The following LTBP3 variants were observed in gnomAD, a reference collection of about 807,000 sequenced individuals.
The protein encoded by LTBP3 is latent transforming growth factor beta binding protein 3, also known as latent-transforming growth factor beta-binding protein 3.
In LTBP3, 97 loss-of-function variants were observed where a neutral mutation model predicts 159.7. The observed-to-expected ratio is 0.61, with a 90% CI of 0.52 to 0.72. The LOEUF (loss-of-function observed/expected upper bound fraction) is 0.72, where lower values mean the gene tolerates loss of function less well. Ranked by LOEUF, LTBP3 falls within the 30% of genes least tolerant of loss-of-function variation. The probability of loss-of-function intolerance (pLI) is 0.00; values close to 1 mark genes in which losing one functional copy is unlikely to be tolerated. For missense variants in LTBP3, 1,584 were observed against 1,864.3 expected (o/e 0.85, Z 2.77); for synonymous variants, 824 against 777.1 (o/e 1.06, Z -1.00).
intron 11 of LTBP3, chr11:65,548,472 A>C: frequency 3.3e-6 from 1 of 301,556 alleles, no homozygotes; most frequent in Middle Eastern, 1.0e-3. Context: ...GTGACTCCAT[A>C]AGCCCTTGCC....
Position 65,547,702 on chromosome 11 carries a change from G to T in LTBP3, c.1966C>A (p.Arg656Ser). The T allele has an allele frequency of 6.2e-7, 1 of 1,604,654 alleles. No individual in the cohort carries two copies. Reference protein sequence around the residue: ...GYRLHVGAGGRSCVDLNECAK... With the variant: ...GYRLHVGAGGSSCVDLNECAK... The stretch of plus-strand genomic sequence containing the variant: ...TGGCGGCGCTCACCCACGCACGAGC[G>T]CCCCCCGGCGCCCACGTGCAGGCGG... Residue 656 changes from arginine to serine, a missense_variant, in exon 13 of 28, where the codon CGC becomes AGC. Around this residue, in one of 6 missense-constraint regions of LTBP3, gnomAD observed 565 missense variants for 677.7 expected, o/e 0.83. Transcript: ENST00000301873. The surrounding 1 kb of genome is among the most constrained non-coding windows in gnomAD (Gnocchi z 4.6).
Position 65,540,925 on chromosome 11 carries a change from T to C in LTBP3, c.2923A>G (p.Lys975Glu). 6.2e-7 allele frequency: 1 copy of C among 1,613,588 alleles called. No homozygotes were observed. Among genetic ancestry groups the C allele is most frequent in the Non-Finnish European group, 8.5e-7 (1 of 1,179,810 alleles). The part of the protein sequence containing the change: ...AEFHSLCPDG[K>E]GYTQDNNIVN... ...ATGTTGTTGTCCTGGGTGTAGCCCT[T>C]TCCGTCTGGGCAGAGGCTGTGGAAC... Residue 975 changes from lysine to glutamate, a missense_variant, in exon 21 of 28, where the codon AAG becomes GAG. Physicochemically the swap from Lys to Glu is moderately conservative, Grantham distance 56. Around this residue, in one of 6 missense-constraint regions of LTBP3, gnomAD observed 514 missense variants for 530.3 expected, o/e 0.97. Transcript: ENST00000301873.
At chr11:65,540,678 CG>C in intron 21 of LTBP3, 64 bp from the exon 22 acceptor site, 1 of 1,535,310 alleles carries the variant, frequency 6.5e-7, no homozygotes, top group Non-Finnish European at 8.8e-7. Flanking sequence ...GTGGGCTGGG[CG>C]CACCACCGGA....
At chr11:65,555,805 C>CAGGGCAGG (rs1262155083) in intron 1 of LTBP3, among the ~76,000 whole-genome samples, 2 of 152,162 alleles carry the variant, frequency 1.3e-5, no homozygotes, top group African/African-American at 2.4e-5. Flanking sequence ...CCTCACTTCC[C>CAGGGCAGG]AGGGCAGGAG....
Position 65,552,067 on chromosome 11 carries a change from G to A in LTBP3, c.1436C>T (p.Ser479Phe). 1 of 1,614,150 alleles carries A rather than the reference G, an allele frequency of 6.2e-7. No homozygotes were observed. The highest frequency in any genetic ancestry group is 1.7e-5 in the Admixed American group (1 of 60,018). The part of the protein sequence containing the change: ...TLTIQGESDF[S>F]LFLHPDGPPK... The stretch of plus-strand genomic sequence containing the variant: ...TGGCCCGTCAGGGTGCAGGAAAAGG[G>A]AAAAGTCACTCTCGCCCTGAATGGT... Residue 479 changes from serine (S) to phenylalanine (F), a missense_variant, in exon 8 of 28, where the codon TCC becomes TTC. By Grantham distance (155) the Ser-to-Phe change is radical. Coordinates refer to ENST00000301873, the MANE Select transcript of LTBP3 (RefSeq NM_001130144.3). The surrounding 1 kb of genome is among the most constrained non-coding windows in gnomAD (Gnocchi z 6.0).
chr11:65,543,670 C>T (rs1009775250), intron 16 of LTBP3, 121 bp from the exon 17 acceptor site: 8 of 1,299,890 alleles, frequency 6.2e-6, no homozygotes, highest in Non-Finnish European at 8.8e-6. Flanking sequence ...CTCAGAAGCA[C>T]AGGCCTCACC....
rs998677694 is a variant in LTBP3, at chr11:65,541,293, T to G, written c.2726A>C (p.Glu909Ala). The G allele has an allele frequency of 1.2e-6, 2 of 1,610,298 alleles. No individual in the cohort carries two copies. Among genetic ancestry groups the G allele is most frequent in the African/African-American group, 2.7e-5 (2 of 74,848 alleles). The change falls in exon 20 of 28, where the codon GAG becomes GCG. Residue 909 changes from glutamate (E) to alanine (A), a missense_variant and splice_region_variant. Physicochemically the swap from Glu to Ala is moderately radical, Grantham distance 107. Transcript: ENST00000301873. ...TPTQDQHGCE[E>A]VEQPHHKKEC... ...CTTCTTGTGGTGGGGCTGCTCCACC[T>G]CTGAGGGGCAGACGGCAGCTCAGGG... is the stretch of plus-strand genomic sequence containing the variant.
At position 65,546,694 on chromosome 11, in the gene LTBP3, C is replaced by A; in HGVS notation, c.2230+104G>T. 6.5e-7 allele frequency: 1 copy of A among 1,531,824 alleles called. No individual in the cohort carries two copies. Among genetic ancestry groups the A allele is most frequent in the Admixed American group, 1.9e-5 (1 of 52,338 alleles). 94.9% of individuals were successfully genotyped at this position (1,531,824 alleles called of 1,614,324 possible). A position where few individuals can be genotyped will look rare whatever the true frequency, so the allele number is the denominator to read the frequency against. ...GCCTCTACTCCCGGAAGGCCCCGCC[C>A]CCAGACGCCAATCACCACCGCTACC... On this transcript the variant is annotated intron_variant, in intron 15 of 27. Coordinates refer to ENST00000301873, the MANE Select transcript of LTBP3 (RefSeq NM_001130144.3). This position sits in a 1 kb window ranked among gnomAD's most constrained non-coding sequence, Gnocchi z 4.0.
At chr11:65,550,840 A>G (rs1856579111) in intron 11 of LTBP3, among the ~76,000 whole-genome samples, 1 of 152,194 alleles carries the variant, frequency 6.6e-6, no homozygotes, top group Non-Finnish European at 1.5e-5. Context: ...ACAAAAAACA[A>G]AAAACAAAAA....
At chr11:65,548,103 C>T (rs1183941241) in intron 11 of LTBP3, 58 bp from the exon 12 acceptor site, 18 of 1,611,078 alleles carry the variant, frequency 1.1e-5, no homozygotes, top group Non-Finnish European at 1.4e-5. Flanking sequence ...CTGCCATATC[C>T]CCAGGGCAGA....
Position 65,541,175 on chromosome 11 carries a change from G to A in LTBP3, c.2844C>T (p.Ala948=), listed in dbSNP as rs574749716. 6.4e-5 allele frequency: 103 copies of A among 1,599,812 alleles called. No individual in the cohort carries two copies. The South Asian group carries it at 9.9e-4, about 15-fold the overall frequency. ...AGATTTCGCAGTGGTCGCCCCAGCC[G>A]GCCCCCAGAGAGCAGCAGCACTCCT... ...TQQECCCSLG[A]GWGDHCEIYP... The change falls in exon 20 of 28, where the codon GCC becomes GCT. Residue 948 remains alanine (A), a synonymous_variant. Transcript: ENST00000301873.
At chr11:65,549,757 GAA>G (rs752434010) in intron 11 of LTBP3, among the ~76,000 whole-genome samples, 10 of 104,474 alleles carry the variant, frequency 9.6e-5, no homozygotes, top group East Asian at 2.8e-4. Flanking sequence ...CCCAGGCCGG[GAA>G]AAAAAAAAAA....
Position 65,551,144 on chromosome 11 carries a change from C to A in LTBP3, c.1702G>T (p.Ala568Ser). 1 of 1,553,550 alleles carries A rather than the reference C, an allele frequency of 6.4e-7. No homozygotes were observed. The highest frequency in any genetic ancestry group is 8.7e-7 in the Non-Finnish European group (1 of 1,148,774). Reference protein sequence around the residue: ...LPPSRSAVEIAPTQVTETDEC... With the variant: ...LPPSRSAVEISPTQVTETDEC... ...GCCTTACCTGTGACCTGAGTGGGAG[C>A]GATCTCTACGGCGCTGCGGGAAGGA... is the stretch of plus-strand genomic sequence containing the variant. The change falls in exon 11 of 28, where the codon GCT becomes TCT. Residue 568 changes from alanine to serine, a missense_variant. Ala to Ser is a moderately conservative substitution (Grantham distance 99). Transcript: ENST00000301873.
intron 1 of LTBP3, 92 bp downstream of exon 1, chr11:65,557,536 GC>G: frequency 6.4e-7 from 1 of 1,555,610 alleles, no homozygotes; most frequent in Non-Finnish European, 8.7e-7. Context: ...TATACCCTCA[GC>G]CCCCAGTCTC....
At chr11:65,551,034 G>T in intron 11 of LTBP3, 92 bp downstream of exon 11, 1 of 1,058,514 alleles carries the variant, frequency 9.4e-7, no homozygotes, top group Non-Finnish European at 1.4e-6. Flanking sequence ...TAGCCTATTA[G>T]CGCTAGGGAA....
chr11:65,550,871 A>G (rs1856580237), intron 11 of LTBP3, among the ~76,000 whole-genome samples: 1 of 152,226 alleles, frequency 6.6e-6, no homozygotes, highest in South Asian at 2.1e-4. Context: ...AACCTGCTAG[A>G]CAAATTCTAA....
In LTBP3 at chr11:65,552,083, C is replaced by T. The variant is rs754305876; in HGVS notation, c.1420G>A (p.Gly474Ser). 3 of 1,614,116 alleles carry T rather than the reference C, an allele frequency of 1.9e-6. No homozygotes were observed. The highest frequency in any genetic ancestry group is 2.5e-6 in the Non-Finnish European group (3 of 1,180,016). The part of the protein sequence containing the change: ...LTSHQTLTIQ[G>S]ESDFSLFLHP... ...AGGAAAAGGGAAAAGTCACTCTCGC[C>T]CTGAATGGTGAGCGTCTGGTGGGAG... Residue 474 changes from glycine (G) to serine (S), a missense_variant, in exon 8 of 28, where the codon GGC becomes AGC. Gly to Ser is a moderately conservative substitution (Grantham distance 56). Transcript: ENST00000301873. This position sits in a 1 kb window ranked among gnomAD's most constrained non-coding sequence, Gnocchi z 6.0.
intron 20 of LTBP3, 82 bp from the exon 21 acceptor site, chr11:65,541,036 T>C: frequency 2.5e-6 from 4 of 1,585,148 alleles, no homozygotes; most frequent in Non-Finnish European, 2.6e-6. Context: ...CCGCCGCCTA[T>C]TTCCCAACTG....
At chr11:65,551,078 A>C in intron 11 of LTBP3, 48 bp downstream of exon 11, 1 of 1,473,930 alleles carries the variant, frequency 6.8e-7, no homozygotes, top group Non-Finnish European at 9.2e-7. Flanking sequence ...AGAAAACTAA[A>C]GTGGGGGCGT....
Sources: allele counts gnomAD v4.1 joint callset (sites outside exome capture counted in the v4.1 genomes callset), GRCh38; gene constraint gnomAD v4.1.1; regional missense constraint gnomAD v4.1.1; non-coding constraint Gnocchi (gnomAD v3.1); transcripts MANE v1.5; gene names NCBI Gene and HGNC (gene_info 2026-07-23, HGNC 2026-07-21).